The following HAUS6 variants were observed in gnomAD, a reference collection of about 807,000 sequenced individuals.
HAUS6 encodes the protein HAUS augmin-like complex subunit 6.
Under a neutral mutation model 106.8 loss-of-function variants are expected in HAUS6, and 80 were observed. That is an observed-to-expected ratio of 0.75 (90% CI 0.63 to 0.90). HAUS6 has a LOEUF of 0.90. HAUS6 is among the 40% of genes least tolerant of loss of function. The probability of loss-of-function intolerance (pLI) is 0.00; values close to 1 mark genes in which losing one functional copy is unlikely to be tolerated. For synonymous variants in HAUS6, 356 were observed against 379.1 expected (o/e 0.94, Z 0.71); for missense variants, 1,155 against 1,118.1 (o/e 1.03, Z -0.47).
At chr9:19,072,239 A>G (rs753833923) in intron 11 of HAUS6, among the ~76,000 whole-genome samples, 14 of 151,434 alleles carry the variant, frequency 9.2e-5, no homozygotes, top group Non-Finnish European at 1.3e-4. Flanking sequence ...TGGGCCAGGT[A>G]CGATGACTAA....
chr9:19,078,151 G>T, intron 10 of HAUS6, 25 bp downstream of exon 10: 1 of 1,577,398 alleles, frequency 6.3e-7, no homozygotes, highest in South Asian at 1.2e-5. Flanking sequence ...GGCGGGGAGG[G>T]CAGGGGCAAG....
chr9:19,101,992 A>C (rs1163635768), intron 1 of HAUS6, among the ~76,000 whole-genome samples: 1 of 152,200 alleles, frequency 6.6e-6, no homozygotes, highest in African/African-American at 2.4e-5. Flanking sequence ...ATAAAACAGA[A>C]GTGGAAAAAG....
chr9:19,094,263 A>G (rs1251739236), intron 3 of HAUS6, 54 bp downstream of exon 3: 1 of 1,011,836 alleles, frequency 9.9e-7, no homozygotes, highest in African/African-American at 1.6e-5. Flanking sequence ...TTAAAGAGTT[A>G]AAGTAGTTTT....
At position 19,083,758 on chromosome 9, in the gene HAUS6, C is replaced by T. The variant is rs1057256726; in HGVS notation, c.700-715G>A. Reference sequence around the variant, plus strand: ...CGGAGCTTGCAGTAAGCCAAGATCGCGCCACTGCACTCCAGCCTAGGGGAC... The same window carrying T: ...CGGAGCTTGCAGTAAGCCAAGATCGTGCCACTGCACTCCAGCCTAGGGGAC... On this transcript the variant is annotated intron_variant, in intron 7 of 16. Coordinates refer to ENST00000380502, the MANE Select transcript of HAUS6 (RefSeq NM_017645.5). Among the ~76,000 whole-genome samples, 4 of 149,504 alleles carry T rather than the reference C, an allele frequency of 2.7e-5. No individual in the cohort carries two copies. In the South Asian group the frequency reaches 6.3e-4, roughly 24 times the overall value.
chr9:19,092,310 C>T (rs1817769486), intron 4 of HAUS6, among the ~76,000 whole-genome samples: 1 of 150,170 alleles, frequency 6.7e-6, no homozygotes, highest in Non-Finnish European at 1.5e-5. Flanking sequence ...AAAACAACAA[C>T]AAAAGGCCTG....
intron 1 of HAUS6, among the ~76,000 whole-genome samples, chr9:19,099,224 C>G (rs1427061484): frequency 2.7e-5 from 4 of 146,820 alleles, no homozygotes; most frequent in Non-Finnish European, 6.0e-5. Context: ...TGGAGTGCAG[C>G]GGCGCGATCT....
At position 19,078,229 on chromosome 9, in the gene HAUS6, A is replaced by C; in HGVS notation, c.1138T>G (p.Trp380Gly). The change falls in exon 10 of 17, where the codon TGG (tryptophan) becomes GGG (glycine). Residue 380 changes from tryptophan (W) to glycine (G), a missense_variant. Trp to Gly is a radical substitution (Grantham distance 184). Transcript: ENST00000380502. ...VEKQGEWHKK[W>G]KEFLGLSPFS... ...GGAGACAAACCAAGAAATTCTTTCC[A>C]CTTTTTATGCCATTCTCCTTGCTTT... 1 of 1,583,402 alleles carries C rather than the reference A, an allele frequency of 6.3e-7. No individual in the cohort carries two copies. Among genetic ancestry groups the C allele is most frequent in the South Asian group, 1.1e-5 (1 of 90,386 alleles).
At chr9:19,066,578 C>G (rs1258761869) in intron 12 of HAUS6, among the ~76,000 whole-genome samples, 2 of 151,454 alleles carry the variant, frequency 1.3e-5, no homozygotes, top group Non-Finnish European at 3.0e-5. Flanking sequence ...GGAACTCCCC[C>G]CCACACACAC....
chr9:19,096,747 G>T lies in HAUS6; in HGVS notation c.151C>A (p.Arg51Ser). ...TAAGAAATTATATGAAAGGCATCAC[G>T]GTTCAGCTTGTCAAACATGTTCCTA... The part of the protein sequence containing the change: ...LGVNMFDKLN[R>S]DAFHIISYFL... Residue 51 changes from arginine to serine, a missense_variant, in exon 2 of 17, where the codon CGT becomes AGT. This residue lies in a region of HAUS6 where 761 missense variants were observed against 690.0 expected (regional missense o/e 1.10). Transcript: ENST00000380502. 6.5e-7 allele frequency: 1 copy of T among 1,548,968 alleles called. No individual in the cohort carries two copies. Among genetic ancestry groups the T allele is most frequent in the South Asian group, 1.2e-5 (1 of 83,406 alleles).
At position 19,058,791 on chromosome 9, in the gene HAUS6, A is replaced by G; in HGVS notation, c.1976T>C (p.Ile659Thr). The change falls in exon 16 of 17, where the codon ATT becomes ACT. Residue 659 changes from isoleucine to threonine, a missense_variant. Transcript: ENST00000380502. ...GQSHLTEEKV[I>T]SDCECVPQKH... is the part of the protein sequence containing the mutation. ...CTGAGGCACACACTCGCAATCTGAAATAACTTTCTCTTCAGTCAAATGAGA... is the reference window on the plus strand; with the variant it reads ...CTGAGGCACACACTCGCAATCTGAAGTAACTTTCTCTTCAGTCAAATGAGA... The G allele has an allele frequency of 6.2e-7, 1 of 1,614,212 alleles. No individual in the cohort carries two copies. The highest frequency in any genetic ancestry group is 8.5e-7 in the Non-Finnish European group (1 of 1,180,022).
Position 19,053,786 on chromosome 9 carries a change from CAAACA to C in HAUS6, c.*2552_*2556del, listed in dbSNP as rs1588588073. 1 of 151,952 alleles carries C rather than the reference CAAACA, an allele frequency of 6.6e-6. No individual in the cohort carries two copies. Among genetic ancestry groups the C allele is most frequent in the Non-Finnish European group, 1.5e-5 (1 of 67,976 alleles). The allele number at this position is 151,952 out of a possible 1,614,324, so 9.4% of individuals were successfully genotyped here. The stretch of plus-strand genomic sequence containing the variant: ...ACCATTTATTCCATGATATAGGAGG[CAAACA>C]AAACAATTCCAAAACTTAAATATTG... On this transcript the variant is annotated 3_prime_UTR_variant, in exon 17 of 17. Transcript: ENST00000380502.
intron 8 of HAUS6, among the ~76,000 whole-genome samples, chr9:19,081,643 T>A (rs964467144): frequency 6.6e-6 from 1 of 152,064 alleles, no homozygotes; most frequent in Non-Finnish European, 1.5e-5. Context: ...TTTCATCATG[T>A]TGGCCAGGCT....
At chr9:19,073,252 T>C (rs367675276) in intron 11 of HAUS6, among the ~76,000 whole-genome samples, 1 of 152,134 alleles carries the variant, frequency 6.6e-6, no homozygotes, top group Admixed American at 6.5e-5. Flanking sequence ...CAAGTATTTA[T>C]AATATTATTC....
At chr9:19,081,876 C>T (rs1837158487) in intron 8 of HAUS6, among the ~76,000 whole-genome samples, 1 of 151,868 alleles carries the variant, frequency 6.6e-6, no homozygotes. Context: ...GCCGGCCTGG[C>T]CAACATGGTG....
chr9:19,098,166 T>G (rs1362510667), intron 1 of HAUS6, among the ~76,000 whole-genome samples: 5 of 152,154 alleles, frequency 3.3e-5, no homozygotes, highest in Non-Finnish European at 5.9e-5. Flanking sequence ...AGGGGTCGGG[T>G]GCAGCGGCTC....
chr9:19,080,979 G>A (rs1837132964), intron 8 of HAUS6, among the ~76,000 whole-genome samples: 1 of 152,110 alleles, frequency 6.6e-6, no homozygotes, highest in African/African-American at 2.4e-5. Flanking sequence ...GGCTGAGGCA[G>A]GAGAATCGCT....
At chr9:19,073,230 GTGT>G (rs1224364839) in intron 11 of HAUS6, among the ~76,000 whole-genome samples, 5 of 152,068 alleles carry the variant, frequency 3.3e-5, no homozygotes, top group Non-Finnish European at 7.4e-5. Context: ...CCAAAAAAAG[GTGT>G]TTAATAAACA....
chr9:19,070,079 TC>T (rs1480001778), intron 12 of HAUS6, 139 bp downstream of exon 12: 1 of 608,878 alleles, frequency 1.6e-6, no homozygotes, highest in East Asian at 2.9e-5. Context: ...GTTTTTACAA[TC>T]CTCTTGTAAT....
intron 7 of HAUS6, among the ~76,000 whole-genome samples, chr9:19,083,619 G>T (rs1012732924): frequency 6.6e-6 from 1 of 151,848 alleles, no homozygotes; most frequent in Non-Finnish European, 1.5e-5. Flanking sequence ...TGGCTAACAC[G>T]GTGAAACCCC....
Sources: gnomAD v4.1 joint callset for allele counts (sites outside exome capture counted in the v4.1 genomes callset) on GRCh38, gnomAD v4.1.1 for gene constraint, gnomAD v4.1.1 regional missense constraint, MANE v1.5 for transcripts, NCBI Gene and HGNC (gene_info 2026-07-23, HGNC 2026-07-21) for gene names.